The following TLCD4 variants were observed in gnomAD, a reference collection of about 807,000 sequenced individuals.
The protein encoded by TLCD4 is TLC domain-containing protein 4.
Under a neutral mutation model 24.2 loss-of-function variants are expected in TLCD4, and 7 were observed. That is an observed-to-expected ratio of 0.29 (90% CI 0.16 to 0.54). The LOEUF (loss-of-function observed/expected upper bound fraction) is 0.54. Ranked by LOEUF, TLCD4 falls within the 20% of genes least tolerant of loss-of-function variation. The probability of loss-of-function intolerance (pLI) is 0.95; values close to 1 mark genes in which losing one functional copy is unlikely to be tolerated. For synonymous variants in TLCD4, 103 were observed against 106.4 expected, an observed-to-expected ratio of 0.97 and a Z score of 0.20; for missense variants, 259 against 313.9, an observed-to-expected ratio of 0.82 and a Z score of 1.32.
At chr1:95,119,685 T>C (rs1676517677) in intron 1 of TLCD4, among the ~76,000 whole-genome samples, 1 of 152,210 alleles carries the variant, frequency 6.6e-6, no homozygotes. Flanking sequence ...ACCTGTTTAC[T>C]CTCCTCTTTG....
rs181882605 is a variant in TLCD4, at chr1:95,160,926, G to C, written c.399+9507G>C. The stretch of plus-strand genomic sequence containing the variant: ...TGCCAGTATTTTATTGAGGATTTTT[G>C]CATCAATGTTCATGAAGGATATTGG... On this transcript the variant is annotated intron_variant, in intron 5 of 6. Transcript: ENST00000370203. 6.2e-4 allele frequency among the ~76,000 whole-genome samples: 95 copies of C among 152,244 alleles called. 2 individuals carry two copies. The East Asian group carries it at 0.016, about 26-fold the overall frequency.
the TLCD4 span, among the ~76,000 whole-genome samples, chr1:95,103,294 G>C: frequency 6.6e-6 from 1 of 152,006 alleles, no homozygotes; most frequent in Non-Finnish European, 1.5e-5. Context: ...AACTACTTTA[G>C]GTAGGCAGTG....
chr1:95,188,877 A>G (rs781206755), intron 6 of TLCD4, among the ~76,000 whole-genome samples: 11 of 152,176 alleles, frequency 7.2e-5, no homozygotes, highest in Non-Finnish European at 1.6e-4. Context: ...AGAAGCCAAC[A>G]CGTGGATGCC....
the TLCD4 span, among the ~76,000 whole-genome samples, chr1:95,098,130 C>T: frequency 6.6e-6 from 1 of 152,154 alleles, no homozygotes; most frequent in Admixed American, 6.5e-5. Flanking sequence ...ATTTAGGCCT[C>T]ATAATAGCCC....
chr1:95,189,992 C>T (rs143026060), intron 6 of TLCD4, among the ~76,000 whole-genome samples: 1 of 152,128 alleles, frequency 6.6e-6, no homozygotes, highest in Non-Finnish European at 1.5e-5. Context: ...AATGTGTGTT[C>T]CTCTTGTTCC....
intron 6 of TLCD4, among the ~76,000 whole-genome samples, chr1:95,190,854 ATT>A (rs1454347356): frequency 2.0e-5 from 3 of 152,180 alleles, no homozygotes; most frequent in Non-Finnish European, 4.4e-5. Context: ...ACTTTTAAGA[ATT>A]CTTTGTGTAC....
At position 95,192,956 on chromosome 1, in the gene TLCD4, TAAGA is replaced by T. The variant is rs766736706; in HGVS notation, c.*1096_*1099del. The T allele has an allele frequency of 2.0e-5, 3 of 152,178 alleles. No homozygotes were observed. The highest frequency in any genetic ancestry group is 2.9e-5 in the Non-Finnish European group (2 of 68,012). 9.4% of individuals were successfully genotyped at this position (152,178 alleles called of 1,614,324 possible). A position where few individuals can be genotyped will look rare whatever the true frequency, so the allele number is the denominator to read the frequency against. On this transcript the variant is annotated 3_prime_UTR_variant, in exon 7 of 7. Coordinates refer to ENST00000370203, the MANE Select transcript of TLCD4 (RefSeq NM_152487.3). Reference sequence around the variant, plus strand: ...TATTTAGGCTAATCGGAGGAATCATTAAGAAAGAAAGTTTTAACACTGTTTATCC... The same window carrying T: ...TATTTAGGCTAATCGGAGGAATCATTAAGAAAGTTTTAACACTGTTTATCC...
chr1:95,124,470 T>C (rs1676656783), intron 1 of TLCD4, among the ~76,000 whole-genome samples: 1 of 152,148 alleles, frequency 6.6e-6, no homozygotes, highest in Non-Finnish European at 1.5e-5. Context: ...CTGAACAACC[T>C]TCCCAGTATC....
chr1:95,184,734 T>C (rs1415982041), intron 6 of TLCD4, among the ~76,000 whole-genome samples: 1 of 152,236 alleles, frequency 6.6e-6, no homozygotes, highest in African/African-American at 2.4e-5. Flanking sequence ...CCTTCCCCTC[T>C]TTCCTCTCAG....
intron 6 of TLCD4, among the ~76,000 whole-genome samples, chr1:95,177,998 T>C (rs1678494126): frequency 6.6e-6 from 1 of 150,452 alleles, no homozygotes; most frequent in African/African-American, 2.4e-5. Context: ...TCGTCCAGGC[T>C]AGAGTGCAGT....
intron 5 of TLCD4, among the ~76,000 whole-genome samples, chr1:95,160,380 T>TA (rs1205394718): frequency 6.6e-6 from 1 of 152,256 alleles, no homozygotes; most frequent in Middle Eastern, 3.2e-3. Context: ...TTGCTGAAGT[T>TA]GCTTATCAGC....
upstream of TLCD4, among the ~76,000 whole-genome samples, chr1:95,115,810 T>C (rs1676418271): frequency 6.6e-6 from 1 of 152,108 alleles, no homozygotes; most frequent in Non-Finnish European, 1.5e-5. Flanking sequence ...GAGACTAGCA[T>C]GGGAGAGTTT....
intron 5 of TLCD4, among the ~76,000 whole-genome samples, chr1:95,171,246 C>T (rs1678210419): frequency 6.6e-6 from 1 of 152,058 alleles, no homozygotes; most frequent in Admixed American, 6.6e-5. Flanking sequence ...GCCACCATGC[C>T]CAGCCTAAAT....
intron 1 of TLCD4, among the ~76,000 whole-genome samples, chr1:95,139,489 A>ATATTTTTTTT (rs1677142719): frequency 1.8e-5 from 1 of 54,056 alleles, no homozygotes. Flanking sequence ...AGACAGTTTC[A>ATATTTTTTTT]TTCTTGTCAC....
intron 5 of TLCD4, among the ~76,000 whole-genome samples, chr1:95,154,999 T>C (rs915921911): frequency 3.3e-5 from 5 of 151,616 alleles, no homozygotes; most frequent in African/African-American, 1.2e-4. Flanking sequence ...TACCAACATA[T>C]AGTCGTAGTG....
At chr1:95,175,387 C>T (rs958333751) in intron 6 of TLCD4, among the ~76,000 whole-genome samples, 1 of 152,188 alleles carries the variant, frequency 6.6e-6, no homozygotes, top group Admixed American at 6.5e-5. Flanking sequence ...TTAAAGGCTG[C>T]ATAATATTCC....
At chr1:95,172,570 C>G (rs12127208) in intron 5 of TLCD4, among the ~76,000 whole-genome samples, 32 of 152,228 alleles carry the variant, frequency 2.1e-4, no homozygotes, top group Middle Eastern at 3.4e-3. Context: ...TTCCTTCTTC[C>G]TCATCACAAA....
chr1:95,196,715 C>T lies in TLCD4; in HGVS notation c.*4847C>T, dbSNP rs972253388. On this transcript the variant is annotated 3_prime_UTR_variant, in exon 7 of 7. Coordinates refer to ENST00000370203, the MANE Select transcript of TLCD4 (RefSeq NM_152487.3). ...AGTACAGTACCTCTGGCTGAAAACT[C>T]GTTAAACATCTTTGGATATTTTTTC... 27 of 152,194 alleles carry T rather than the reference C, an allele frequency of 1.8e-4. No homozygotes were observed. The highest frequency in any genetic ancestry group is 1.4e-3 in the Admixed American group (22 of 15,274). 9.4% of individuals were successfully genotyped at this position (152,194 alleles called of 1,614,324 possible). A position where few individuals can be genotyped will look rare whatever the true frequency, so the allele number is the denominator to read the frequency against.
chr1:95,170,238 A>T (rs1412544953), intron 5 of TLCD4, among the ~76,000 whole-genome samples: 1 of 152,174 alleles, frequency 6.6e-6, no homozygotes, highest in Non-Finnish European at 1.5e-5. Context: ...ATCCTTAAGG[A>T]ATAAAAAGTT....
Sources: gnomAD v4.1 joint callset for allele counts (sites outside exome capture counted in the v4.1 genomes callset) on GRCh38, gnomAD v4.1.1 for gene constraint, MANE v1.5 for transcripts, NCBI Gene and HGNC (gene_info 2026-07-23, HGNC 2026-07-21) for gene names.